The following IDE variants were observed in gnomAD, a reference collection of about 807,000 sequenced individuals.
The protein encoded by IDE is insulin-degrading enzyme.
IDE carries 58 observed loss-of-function variants against 133.2 expected under a neutral mutation model. That is an observed-to-expected ratio of 0.44 (90% CI 0.35 to 0.54). The LOEUF is 0.54. Among genes scored for constraint, IDE ranks in the 20% least tolerant of loss-of-function variants. The pLI is 0.00. For synonymous variants in IDE, 396 were observed against 421.3 expected (o/e 0.94, Z 0.73); for missense variants, 981 against 1,234.0 (o/e 0.79, Z 3.07).
At chr10:92,544,076 T>C (rs1319588554) in intron 1 of IDE, among the ~76,000 whole-genome samples, 1 of 151,860 alleles carries the variant, frequency 6.6e-6, no homozygotes, top group African/African-American at 2.4e-5. Context: ...CTACTGAAAA[T>C]ACAAAAATTA....
chr10:92,496,265 T>A (rs1234230855), intron 11 of IDE, among the ~76,000 whole-genome samples: 1 of 152,238 alleles, frequency 6.6e-6, no homozygotes, highest in Non-Finnish European at 1.5e-5. Flanking sequence ...TCTTACCAGG[T>A]CAAATTCTGG....
chr10:92,572,579 A>G (rs1843836877), intron 1 of IDE, among the ~76,000 whole-genome samples: 1 of 152,172 alleles, frequency 6.6e-6, no homozygotes, highest in Non-Finnish European at 1.5e-5. Context: ...GTTCCATCAG[A>G]TAACTTTCCA....
intron 11 of IDE, among the ~76,000 whole-genome samples, chr10:92,492,259 C>CAAAA (rs199701512): frequency 8.4e-6 from 1 of 118,402 alleles, no homozygotes; most frequent in Non-Finnish European, 1.8e-5. Flanking sequence ...GACTCTGTCT[C>CAAAA]AAAAAAAAAA....
intron 1 of IDE, among the ~76,000 whole-genome samples, chr10:92,561,818 G>A (rs557054799): frequency 4.6e-5 from 7 of 152,216 alleles, no homozygotes; most frequent in African/African-American, 1.2e-4. Context: ...CTTTAAATGA[G>A]GCAAAGGGTA....
At chr10:92,470,779 G>A (rs1845924886) in intron 17 of IDE, among the ~76,000 whole-genome samples, 1 of 152,078 alleles carries the variant, frequency 6.6e-6, no homozygotes, top group Non-Finnish European at 1.5e-5. Flanking sequence ...TAGATTTCAT[G>A]TCTGTATTAC....
chr10:92,569,407 C>G (rs1202438610), intron 1 of IDE, among the ~76,000 whole-genome samples: 6 of 152,192 alleles, frequency 3.9e-5, no homozygotes, highest in Admixed American at 3.9e-4. Flanking sequence ...AGTAGGGAGA[C>G]AGAAGGCTGG....
Position 92,463,986 on chromosome 10 carries a change from C to T in IDE, c.2506G>A (p.Gly836Arg), listed in dbSNP as rs1447153733. The change falls in exon 21 of 25, where the codon GGG becomes AGG. Residue 836 changes from glycine (G) to arginine (R), a missense_variant. Around this residue, in one of 2 missense-constraint regions of IDE, gnomAD observed 660 missense variants for 894.7 expected, o/e 0.74. Transcript: ENST00000265986. ...TGTATGCCATTAGCTCGACGTGGCCCGCTGAAGACGATATAGCCTGAAACA... is the reference window on the plus strand; with the variant it reads ...TGTATGCCATTAGCTCGACGTGGCCTGCTGAAGACGATATAGCCTGAAACA... ...KEQLGYIVFS[G>R]PRRANGIQGL... 8 of 1,613,224 alleles carry T rather than the reference C, an allele frequency of 5.0e-6. No individual in the cohort carries two copies. Among genetic ancestry groups the T allele is most frequent in the South Asian group, 1.1e-5 (1 of 91,062 alleles).
chr10:92,525,515 C>T (rs1010342211), intron 4 of IDE, among the ~76,000 whole-genome samples: 2 of 152,120 alleles, frequency 1.3e-5, no homozygotes, highest in African/African-American at 4.8e-5. Flanking sequence ...CCACTTTATA[C>T]AGCATAGCAC....
At chr10:92,479,169 G>C (rs984036372) in intron 15 of IDE, 108 bp downstream of exon 15, 38 of 692,260 alleles carry the variant, frequency 5.5e-5, no homozygotes, top group Non-Finnish European at 7.7e-5. Flanking sequence ...TAGCCATAAA[G>C]ATTAAAAAAA....
At chr10:92,477,646 C>T (rs1363791634) in intron 15 of IDE, among the ~76,000 whole-genome samples, 10 of 152,192 alleles carry the variant, frequency 6.6e-5, no homozygotes, top group Admixed American at 6.5e-4. Flanking sequence ...GGGAAGGCCA[C>T]TGGCCACGGC....
At chr10:92,504,646 C>T (rs45505496) in intron 11 of IDE, 148 bp downstream of exon 11, 67 of 559,912 alleles carry the variant, frequency 1.2e-4, no homozygotes, top group Non-Finnish European at 2.0e-4. Context: ...ATGGTTGAAG[C>T]TTGGTGTTGC....
chr10:92,535,224 C>T (rs1841935466), intron 2 of IDE, among the ~76,000 whole-genome samples: 1 of 152,238 alleles, frequency 6.6e-6, no homozygotes, highest in Non-Finnish European at 1.5e-5. Context: ...CTGCCTCAGC[C>T]TCCTGAGTAG....
chr10:92,512,222 G>C (rs916490120), intron 5 of IDE, among the ~76,000 whole-genome samples: 10 of 152,158 alleles, frequency 6.6e-5, no homozygotes, highest in African/African-American at 2.4e-4. Context: ...CCTTGTGACA[G>C]AGATCCTTCC....
At chr10:92,466,994 C>G (rs1845728858) in intron 19 of IDE, among the ~76,000 whole-genome samples, 1 of 151,778 alleles carries the variant, frequency 6.6e-6, no homozygotes, top group African/African-American at 2.4e-5. Context: ...ATACTCCAGC[C>G]TGGGTGACAG....
intron 1 of IDE, among the ~76,000 whole-genome samples, chr10:92,543,333 G>A (rs1050453486): frequency 7.9e-5 from 12 of 152,148 alleles, no homozygotes; most frequent in Non-Finnish European, 2.9e-5. Flanking sequence ...GATAGTGGTG[G>A]TATGAGCCCA....
intron 1 of IDE, among the ~76,000 whole-genome samples, chr10:92,545,904 C>G (rs989910959): frequency 6.6e-6 from 1 of 152,182 alleles, no homozygotes; most frequent in Non-Finnish European, 1.5e-5. Flanking sequence ...CTAAAGCTCA[C>G]ACTATGACCT....
At chr10:92,515,887 T>C (rs1848893982) in intron 4 of IDE, among the ~76,000 whole-genome samples, 1 of 148,852 alleles carries the variant, frequency 6.7e-6, no homozygotes, top group African/African-American at 2.5e-5. Context: ...AATTATACTT[T>C]TGGCCGGGTG....
At chr10:92,490,472 T>C in intron 12 of IDE, 21 bp downstream of exon 12, 1 of 1,400,382 alleles carries the variant, frequency 7.1e-7, no homozygotes, top group South Asian at 1.2e-5. Flanking sequence ...TCAGGCTTAT[T>C]CATAGATGAG....
chr10:92,495,951 T>C (rs1450345414), intron 11 of IDE, among the ~76,000 whole-genome samples: 2 of 151,948 alleles, frequency 1.3e-5, no homozygotes, highest in African/African-American at 4.8e-5. Context: ...CTTGGCTCAC[T>C]GCAACCTCCG....
Sources: allele counts gnomAD v4.1 joint callset (sites outside exome capture counted in the v4.1 genomes callset), GRCh38; gene constraint gnomAD v4.1.1; regional missense constraint gnomAD v4.1.1; transcripts MANE v1.5; gene names NCBI Gene and HGNC (gene_info 2026-07-23, HGNC 2026-07-21).